Variants in WWTR1 observed in about 807,000 individuals in gnomAD.
The protein encoded by WWTR1 is WW domain-containing transcription regulator protein 1.
WWTR1 carries 13 observed loss-of-function variants against 40.1 expected under a neutral mutation model. The ratio of observed to expected loss-of-function variants is 0.32; its 90% CI spans 0.21 to 0.52. The LOEUF (loss-of-function observed/expected upper bound fraction) is 0.52. Ranked by LOEUF, WWTR1 falls within the 20% of genes least tolerant of loss-of-function variation. The probability of loss-of-function intolerance (pLI) is 0.97; values close to 1 mark genes in which losing one functional copy is unlikely to be tolerated. For missense variants in WWTR1, 436 were observed against 523.1 expected (o/e 0.83, Z 1.63); for synonymous variants, 230 against 210.1 (o/e 1.09, Z -0.82).
At position 149,657,128 on chromosome 3, in the gene WWTR1, G is replaced by A. The variant is rs772542532; in HGVS notation, c.179C>T (p.Ser60Leu). The A allele has an allele frequency of 1.0e-4, 165 of 1,592,680 alleles. No individual in the cohort carries two copies. The highest frequency in any genetic ancestry group is 1.3e-4 in the Non-Finnish European group (156 of 1,171,842). The change falls in exon 2 of 7, where the codon TCG becomes TTG. Residue 60 changes from serine (S) to leucine (L), a missense_variant. Transcript: ENST00000360632. ...ESFFKEPDSGSHSRQSSTDSS... is the reference protein window; with the variant it reads ...ESFFKEPDSGLHSRQSSTDSS... ...GTCGGTGCTGGACTGGCGCGAGTGC[G>A]AGCCCGAATCAGGCTCCTTAAAGAA...
chr3:149,686,089 G>T (rs1310135842), intron 1 of WWTR1, among the ~76,000 whole-genome samples: 1 of 152,086 alleles, frequency 6.6e-6, no homozygotes, highest in Non-Finnish European at 1.5e-5. Flanking sequence ...TCTCAGATTG[G>T]CTTAAACAAT....
At chr3:149,691,570 A>C (rs950029343) in intron 1 of WWTR1, among the ~76,000 whole-genome samples, 2 of 152,102 alleles carry the variant, frequency 1.3e-5, no homozygotes, top group Admixed American at 1.3e-4. Context: ...AGAAATGAAT[A>C]AATTCCTAGA....
chr3:149,527,962 G>A lies in WWTR1; in HGVS notation c.779C>T (p.Ala260Val), dbSNP rs1735405285. ...RQEELMRQEA[A>V]LCRQLPMEAE... Reference sequence around the variant, plus strand: ...TTCCATGGGGAGCTGTCGACAGAGGGCAGCTTCCTACAGTCAGAATGGGAA... The same window carrying A: ...TTCCATGGGGAGCTGTCGACAGAGGACAGCTTCCTACAGTCAGAATGGGAA... Residue 260 changes from alanine (A) to valine (V), a missense_variant, in exon 5 of 7, where the codon GCC becomes GTC. Physicochemically the swap from Ala to Val is moderately conservative, Grantham distance 64 (BLOSUM62 0). Transcript: ENST00000360632. 4 of 1,613,870 alleles carry A rather than the reference G, an allele frequency of 2.5e-6. No homozygotes were observed. Among genetic ancestry groups the A allele is most frequent in the Non-Finnish European group, 3.4e-6 (4 of 1,179,908 alleles).
intron 2 of WWTR1, among the ~76,000 whole-genome samples, chr3:149,609,251 G>A (rs567369290): frequency 6.6e-6 from 1 of 152,214 alleles, no homozygotes; most frequent in African/African-American, 2.4e-5. Flanking sequence ...ACTCCACCAG[G>A]AAATTTTCTT....
At chr3:149,609,721 G>A (rs1006840591) in intron 2 of WWTR1, among the ~76,000 whole-genome samples, 2 of 152,100 alleles carry the variant, frequency 1.3e-5, no homozygotes, top group Non-Finnish European at 2.9e-5. Context: ...TAGCTAATGT[G>A]GCTTTAGTAA....
upstream of WWTR1, among the ~76,000 whole-genome samples, chr3:149,703,660 C>A (rs936965601): frequency 6.6e-6 from 1 of 152,048 alleles, no homozygotes; most frequent in Non-Finnish European, 1.5e-5. Flanking sequence ...GAGGTGTTTG[C>A]GTCATGGGGG....
intron 3 of WWTR1, among the ~76,000 whole-genome samples, chr3:149,568,492 GA>G (rs1560064332): frequency 7.3e-6 from 1 of 136,304 alleles, no homozygotes; most frequent in East Asian, 2.1e-4. Flanking sequence ...TAAGCTAGAC[GA>G]AACTGGAGAT....
chr3:149,698,584 C>T (rs749786637), intron 1 of WWTR1, among the ~76,000 whole-genome samples: 4 of 152,196 alleles, frequency 2.6e-5, no homozygotes, highest in Non-Finnish European at 5.9e-5. Context: ...GACTGGAATC[C>T]ACATCTCCCC....
intron 3 of WWTR1, among the ~76,000 whole-genome samples, chr3:149,554,852 T>A (rs1736751734): frequency 6.6e-6 from 1 of 152,206 alleles, no homozygotes; most frequent in Non-Finnish European, 1.5e-5. Flanking sequence ...AGAAAAACAA[T>A]TATCTAGCCT....
At chr3:149,670,639 GTCTCAAAAAAAAA>G (rs1159680100) in intron 1 of WWTR1, 1 of 72,244 alleles carries the variant, frequency 1.4e-5, no homozygotes, top group African/African-American at 5.2e-5. Flanking sequence ...GCGAGACTCC[GTCTCAAAAAAAAA>G]AAAAAAGAAA....
chr3:149,542,668 C>A (rs1375385212), intron 3 of WWTR1, 131 bp from the exon 4 acceptor site: 1 of 974,562 alleles, frequency 1.0e-6, no homozygotes, highest in African/African-American at 1.7e-5. Flanking sequence ...TCCTGTTAAC[C>A]ATTACTGTTT....
At chr3:149,724,430 A>C (rs1178863351) in intron 3 of WWTR1, among the ~76,000 whole-genome samples, 1 of 152,062 alleles carries the variant, frequency 6.6e-6, no homozygotes, top group Non-Finnish European at 1.5e-5. Context: ...GACTAAATTA[A>C]CAGGCTCTCT....
intron 3 of WWTR1, among the ~76,000 whole-genome samples, chr3:149,552,347 C>T (rs16861979): frequency 0.54 from 67,449 of 125,926 alleles, 20,920 homozygotes; most frequent in African/African-American, 0.72. Context: ...ACATTCTCCC[C>T]AAAGTAAGGT....
chr3:149,699,281 A>G (rs1336360158), intron 1 of WWTR1, among the ~76,000 whole-genome samples: 5 of 147,858 alleles, frequency 3.4e-5, no homozygotes, highest in Non-Finnish European at 7.4e-5. Flanking sequence ...CAGATATTCT[A>G]GGTCATCATT....
chr3:149,702,464 C>CTTATTATTACTATTA (rs1553735938), intron 1 of WWTR1: 1 of 147,272 alleles, frequency 6.8e-6, no homozygotes, highest in Non-Finnish European at 1.5e-5. Flanking sequence ...CTCTCTAAGC[C>CTTATTATTACTATTA]TTATTATTAT....
intron 1 of WWTR1, among the ~76,000 whole-genome samples, chr3:149,700,569 T>C (rs1715137184): frequency 6.6e-6 from 1 of 152,044 alleles, no homozygotes; most frequent in African/African-American, 2.4e-5. Context: ...CTGCCTTTCC[T>C]GCCCTAAATC....
upstream of WWTR1, chr3:149,659,327 C>A (rs931246900): frequency 3.1e-5 from 3 of 96,316 alleles, no homozygotes; most frequent in Non-Finnish European, 4.3e-5. Flanking sequence ...CGTATTGTGC[C>A]TTAATTTTTT....
At chr3:149,719,489 T>G (rs936367051) in intron 4 of WWTR1, among the ~76,000 whole-genome samples, 2 of 152,196 alleles carry the variant, frequency 1.3e-5, no homozygotes, top group African/African-American at 4.8e-5. Context: ...AACAATATTC[T>G]ATTGTAAGTA....
Position 149,517,890 on chromosome 3 carries a change from A to G in WWTR1, c.*2915T>C, listed in dbSNP as rs1379479046. ...TTTCATTTGATACGCCTTTTCTGTG[A>G]CAAAATTTTGGGGTGAAATGATGAT... On this transcript the variant is annotated 3_prime_UTR_variant, in exon 7 of 7. Coordinates refer to ENST00000360632, the MANE Select transcript of WWTR1 (RefSeq NM_015472.6). 1 of 152,168 alleles carries G rather than the reference A, an allele frequency of 6.6e-6. No individual in the cohort carries two copies. The highest frequency in any genetic ancestry group is 1.5e-5 in the Non-Finnish European group (1 of 68,018). The allele number at this position is 152,168 out of a possible 1,614,324, so 9.4% of individuals were successfully genotyped here.
Sources: gnomAD v4.1 joint callset for allele counts (sites outside exome capture counted in the v4.1 genomes callset) on GRCh38, gnomAD v4.1.1 for gene constraint, MANE v1.5 for transcripts, NCBI Gene and HGNC (gene_info 2026-07-23, HGNC 2026-07-21) for gene names.